Variants in CCDC141 observed in about 807,000 individuals in gnomAD.
CCDC141 encodes the protein coiled-coil domain containing 141.
A neutral mutation model predicts 181.0 loss-of-function variants in CCDC141; 168 were observed. That is an observed-to-expected ratio of 0.93 (90% confidence interval 0.82 to 1.05). The LOEUF (loss-of-function observed/expected upper bound fraction) is 1.05, where lower values mean the gene tolerates loss of function less well. Ranked by LOEUF, CCDC141 falls within the 50% of genes least tolerant of loss-of-function variation. CCDC141 has a pLI of 0.00. For synonymous variants in CCDC141, 666 were observed against 642.3 expected (o/e 1.04, Z -0.56); for missense variants, 1,902 against 1,788.5 (o/e 1.06, Z -1.14).
At chr2:178,827,007 C>T (rs1684135531), downstream of CCDC141, among the ~76,000 whole-genome samples, 8 of 151,978 alleles carry the variant, frequency 5.3e-5, no homozygotes, top group Admixed American at 5.2e-4. Context: ...TATACATTTT[C>T]CTCTACACAC....
chr2:179,010,393 T>C (rs933674889), intron 2 of CCDC141, among the ~76,000 whole-genome samples: 1 of 152,160 alleles, frequency 6.6e-6, no homozygotes. Flanking sequence ...TTAAGAGCTG[T>C]GAGACAAAAT....
At position 178,865,801 on chromosome 2, in the gene CCDC141, A is replaced by C; in HGVS notation, c.2690T>G (p.Val897Gly). The C allele has an allele frequency of 1.3e-6, 2 of 1,595,394 alleles. No homozygotes were observed. The highest frequency in any genetic ancestry group is 1.7e-6 in the Non-Finnish European group (2 of 1,171,280). ...CTCGTCTCTCATGGCGCAGTACTCC[A>C]CACTACGGGACAGGGTCCGTCCATA... ...EEYGRTLSRSVEYCAMRDEIN... is the reference protein window; with the variant it reads ...EEYGRTLSRSGEYCAMRDEIN... Residue 897 changes from valine to glycine, a missense_variant, in exon 17 of 24, where the codon GTG (valine) becomes GGG (glycine). Transcript: ENST00000443758.
intron 5 of CCDC141, among the ~76,000 whole-genome samples, chr2:178,954,617 T>A (rs2154378274): frequency 6.6e-6 from 1 of 152,308 alleles, no homozygotes; most frequent in South Asian, 2.1e-4. Flanking sequence ...ACTAAATGTA[T>A]CTTTTAAATG....
intron 2 of CCDC141, among the ~76,000 whole-genome samples, chr2:178,993,990 C>T (rs2154382672): frequency 6.6e-6 from 1 of 152,300 alleles, no homozygotes; most frequent in East Asian, 1.9e-4. Flanking sequence ...AGATCTGCCC[C>T]TGTGGCTTCA....
At chr2:178,895,427 C>T (rs1000372845) in intron 8 of CCDC141, among the ~76,000 whole-genome samples, 1 of 152,166 alleles carries the variant, frequency 6.6e-6, no homozygotes. Context: ...GATCTTTTTA[C>T]TCTGGGATCT....
intron 4 of CCDC141, among the ~76,000 whole-genome samples, chr2:178,966,735 C>T (rs961214454): frequency 6.6e-6 from 1 of 151,996 alleles, no homozygotes; most frequent in East Asian, 1.9e-4. Context: ...GGGAACAAAA[C>T]TGGACGGAGA....
At position 178,834,280 on chromosome 2, in the gene CCDC141, G is replaced by A. The variant is rs994534626; in HGVS notation, c.4486C>T (p.Leu1496Phe). The change falls in exon 24 of 24, where the codon CTC (leucine) becomes TTC (phenylalanine). Residue 1496 changes from leucine to phenylalanine, a missense_variant. By Grantham distance (22) the Leu-to-Phe change is conservative (BLOSUM62 0). Coordinates refer to ENST00000443758, the MANE Select transcript of CCDC141 (RefSeq NM_173648.4). The stretch of plus-strand genomic sequence containing the variant: ...AGCCTGCAGTTACCTGTCACGTGGA[G>A]GATGACATTGGAAGAGAGAGCGCCG... ...SSGALSSNVI[L>F]HVTGNCRLPI... 7.8e-6 allele frequency: 12 copies of A among 1,536,076 alleles called. No individual in the cohort carries two copies. The highest frequency in any genetic ancestry group is 2.4e-5 in the East Asian group (1 of 40,916).
At chr2:179,025,919 T>A (rs953151392) in intron 2 of CCDC141, among the ~76,000 whole-genome samples, 1 of 152,154 alleles carries the variant, frequency 6.6e-6, no homozygotes, top group Admixed American at 6.5e-5. Flanking sequence ...GCCCTAGAGA[T>A]TTGTGGAACT....
At chr2:178,994,438 C>T (rs1223944991) in intron 2 of CCDC141, among the ~76,000 whole-genome samples, 3 of 152,200 alleles carry the variant, frequency 2.0e-5, no homozygotes, top group Non-Finnish European at 4.4e-5. Flanking sequence ...TGGAGTGGCT[C>T]GGTTGCAGGG....
chr2:178,890,157 G>A (rs886898606), intron 8 of CCDC141, among the ~76,000 whole-genome samples: 13 of 152,084 alleles, frequency 8.5e-5, no homozygotes, highest in African/African-American at 3.1e-4. Flanking sequence ...GAAAGGAAAT[G>A]GGCAAACACG....
intron 11 of CCDC141, among the ~76,000 whole-genome samples, chr2:178,879,516 T>C (rs1219269217): frequency 6.6e-6 from 1 of 152,190 alleles, no homozygotes; most frequent in Non-Finnish European, 1.5e-5. Flanking sequence ...TTTTCTTCTC[T>C]TATTTATCCT....
intron 8 of CCDC141, among the ~76,000 whole-genome samples, chr2:178,897,272 G>A (rs958906658): frequency 3.9e-5 from 6 of 152,050 alleles, no homozygotes; most frequent in Non-Finnish European, 5.9e-5. Flanking sequence ...TGTCACATTC[G>A]ATGCTTGGAA....
chr2:178,839,037 A>T lies in CCDC141; in HGVS notation c.3475-1293T>A, dbSNP rs1293489059. On this transcript the variant is annotated intron_variant, in intron 22 of 23. Coordinates refer to ENST00000443758, the MANE Select transcript of CCDC141 (RefSeq NM_173648.4). Reference sequence around the variant, plus strand: ...TTGTCCTGCAGTAACTGATGCATATAGGAAAGTCACATCTTGCCTTGCCTT... The same window carrying T: ...TTGTCCTGCAGTAACTGATGCATATTGGAAAGTCACATCTTGCCTTGCCTT... 2.6e-5 allele frequency among the ~76,000 whole-genome samples: 4 copies of T among 152,206 alleles called. No homozygotes were observed. In the East Asian group the frequency reaches 5.8e-4, roughly 22 times the overall value.
At chr2:178,964,377 G>A (rs1690534716) in intron 4 of CCDC141, among the ~76,000 whole-genome samples, 1 of 152,130 alleles carries the variant, frequency 6.6e-6, no homozygotes, top group Admixed American at 6.6e-5. Context: ...AAATGAGAGG[G>A]AGGCACAACT....
chr2:178,990,505 C>G (rs947382137), intron 2 of CCDC141, among the ~76,000 whole-genome samples: 4 of 124,684 alleles, frequency 3.2e-5, no homozygotes, highest in Non-Finnish European at 6.5e-5. Flanking sequence ...ATACATAGTA[C>G]AAAAGAGAGA....
intron 2 of CCDC141, among the ~76,000 whole-genome samples, chr2:178,989,862 G>A (rs1028087929): frequency 2.7e-5 from 4 of 145,660 alleles, no homozygotes; most frequent in Admixed American, 6.8e-5. Flanking sequence ...AAAGGAGGCC[G>A]GGCACAGTGG....
At chr2:179,023,925 A>G (rs2042758765) in intron 2 of CCDC141, among the ~76,000 whole-genome samples, 1 of 152,196 alleles carries the variant, frequency 6.6e-6, no homozygotes, top group Admixed American at 6.5e-5. Context: ...TACATTATAC[A>G]GGCCATGCTT....
intron 2 of CCDC141, among the ~76,000 whole-genome samples, chr2:178,982,915 C>A (rs1190554272): frequency 1.3e-5 from 2 of 152,226 alleles, no homozygotes; most frequent in Non-Finnish European, 2.9e-5. Flanking sequence ...CCCAGGCTTG[C>A]TTAGGTAAAC....
intron 23 of CCDC141, 147 bp downstream of exon 23, chr2:178,836,747 T>A: frequency 1.3e-6 from 1 of 799,648 alleles, no homozygotes; most frequent in East Asian, 2.6e-5. Context: ...ATGAGAGGGG[T>A]CTGATGTGAG....
Sources: gnomAD v4.1 joint callset for allele counts (sites outside exome capture counted in the v4.1 genomes callset) on GRCh38, gnomAD v4.1.1 for gene constraint, MANE v1.5 for transcripts, NCBI Gene and HGNC (gene_info 2026-07-23, HGNC 2026-07-21) for gene names.